Variants in CIBAR1 observed in about 807,000 individuals in gnomAD.
CIBAR1 encodes the protein CBY1-interacting BAR domain-containing protein 1.
Under a neutral mutation model 44.0 loss-of-function variants are expected in CIBAR1, and 25 were observed. The observed-to-expected ratio is 0.57, with a 90% confidence interval of 0.41 to 0.79. The LOEUF (loss-of-function observed/expected upper bound fraction) is 0.79. CIBAR1 is among the 30% of genes least tolerant of loss of function. CIBAR1 has a pLI of 0.00. For synonymous variants in CIBAR1, 115 were observed against 119.0 expected (o/e 0.97, Z 0.22); for missense variants, 278 against 344.8 (o/e 0.81, Z 1.53).
Position 93,703,603 on chromosome 8 carries a change from T to G in CIBAR1, c.262-17T>G. On this transcript the variant is annotated splice_polypyrimidine_tract_variant and intron_variant, in intron 2 of 8. Transcript: ENST00000518322. Reference sequence around the variant, plus strand: ...ATGTTAAACGTTCTAATTTAAAATTTTAATAATTTTCAATAGGTTGAAAGA... The same window carrying G: ...ATGTTAAACGTTCTAATTTAAAATTGTAATAATTTTCAATAGGTTGAAAGA... The G allele has an allele frequency of 6.9e-7, 1 of 1,450,448 alleles. No individual in the cohort carries two copies. The highest frequency in any genetic ancestry group is 9.4e-7 in the Non-Finnish European group (1 of 1,069,346). The allele number at this position is 1,450,448 out of a possible 1,614,324, so 89.8% of individuals were successfully genotyped here. A position where few individuals can be genotyped will look rare whatever the true frequency, so the allele number is the denominator to read the frequency against.
At chr8:93,722,569 G>T (rs778263883) in intron 7 of CIBAR1, among the ~76,000 whole-genome samples, 1 of 152,012 alleles carries the variant, frequency 6.6e-6, no homozygotes, top group African/African-American at 2.4e-5. Context: ...ATGGTGGCGC[G>T]TGCCTGTAAT....
chr8:93,707,899 A>G lies in CIBAR1; in HGVS notation c.433-112A>G, dbSNP rs1810663423. 4 of 628,404 alleles carry G rather than the reference A, an allele frequency of 6.4e-6. No individual in the cohort carries two copies. The Admixed American group carries it at 1.0e-4, about 16-fold the overall frequency. 38.9% of individuals were successfully genotyped at this position (628,404 alleles called of 1,614,324 possible). A position where few individuals can be genotyped will look rare whatever the true frequency, so the allele number is the denominator to read the frequency against. On this transcript the variant is annotated intron_variant, in intron 4 of 8. Transcript: ENST00000518322. ...TAACCATAATTGATATATGGTTACA[A>G]TTAATATATAACCTAATTGTAAGTG... is the stretch of plus-strand genomic sequence containing the variant.
chr8:93,706,419 TG>T (rs1164265905), intron 4 of CIBAR1, among the ~76,000 whole-genome samples: 2 of 4,428 alleles, frequency 4.5e-4, no homozygotes, highest in Admixed American at 2.7e-3. Context: ...GCAGGGTGGG[TG>T]GGGGGGTTCA....
chr8:93,727,220 C>T, intron 8 of CIBAR1: 1 of 1,275,574 alleles, frequency 7.8e-7, no homozygotes, highest in Non-Finnish European at 1.0e-6. Flanking sequence ...ATTCAACAAA[C>T]TTATTTTCAA....
chr8:93,707,870 T>A (rs1423862196), intron 4 of CIBAR1, 141 bp from the exon 5 acceptor site: 14 of 480,314 alleles, frequency 2.9e-5, no homozygotes, highest in Non-Finnish European at 4.6e-5. Context: ...CTGAATTACA[T>A]AAGTAACCAT....
chr8:93,722,107 A>G (rs940865619), intron 7 of CIBAR1, among the ~76,000 whole-genome samples: 13 of 152,208 alleles, frequency 8.5e-5, no homozygotes, highest in Admixed American at 2.6e-4. Context: ...GGCATAAACT[A>G]TTATTATGCC....
intron 6 of CIBAR1, among the ~76,000 whole-genome samples, chr8:93,718,030 G>A (rs1422236284): frequency 6.6e-6 from 1 of 152,166 alleles, no homozygotes; most frequent in Non-Finnish European, 1.5e-5. Flanking sequence ...AGTTCAGTGG[G>A]CAATAGCAAA....
intron 7 of CIBAR1, among the ~76,000 whole-genome samples, chr8:93,722,909 A>T (rs1174575358): frequency 6.6e-6 from 1 of 152,256 alleles, no homozygotes; most frequent in Non-Finnish European, 1.5e-5. Flanking sequence ...CCCACTTTAA[A>T]TTCCATCTTT....
chr8:93,720,928 A>C (rs1811240445), intron 7 of CIBAR1: 1 of 152,192 alleles, frequency 6.6e-6, no homozygotes, highest in Non-Finnish European at 1.5e-5. Flanking sequence ...TAAAATAGCA[A>C]ACGTTTATAT....
intron 3 of CIBAR1, 130 bp from the exon 4 acceptor site, chr8:93,704,779 T>G: frequency 1.8e-6 from 1 of 566,256 alleles, no homozygotes; most frequent in South Asian, 2.7e-5. Context: ...ATTCCTGTGG[T>G]AATGGTACCA....
chr8:93,703,754 G>GT (rs991097229), intron 3 of CIBAR1, 66 bp downstream of exon 3: 9 of 1,326,662 alleles, frequency 6.8e-6, no homozygotes, highest in Middle Eastern at 2.1e-4. Context: ...GTTTCCAATT[G>GT]TTTTTTTAAA....
intron 7 of CIBAR1, 73 bp downstream of exon 7, chr8:93,718,861 A>T: frequency 2.1e-6 from 2 of 938,258 alleles, no homozygotes; most frequent in Non-Finnish European, 3.1e-6. Flanking sequence ...TTAGTATGTG[A>T]TTAATATCTT....
chr8:93,718,014 C>G (rs556955766), intron 6 of CIBAR1, among the ~76,000 whole-genome samples: 4 of 152,182 alleles, frequency 2.6e-5, no homozygotes, highest in Admixed American at 6.5e-5. Context: ...CCGGCAAGAA[C>G]AGCACAGTTC....
chr8:93,700,610 T>C lies in CIBAR1; in HGVS notation c.-38T>C. 1 of 1,479,062 alleles carries C rather than the reference T, an allele frequency of 6.8e-7. No individual in the cohort carries two copies. Among genetic ancestry groups the C allele is most frequent in the Non-Finnish European group, 9.0e-7 (1 of 1,114,648 alleles). The allele number at this position is 1,479,062 out of a possible 1,614,324, so 91.6% of individuals were successfully genotyped here. A position where few individuals can be genotyped will look rare whatever the true frequency, so the allele number is the denominator to read the frequency against. ...CCAGGCGCCTTGGAATCCCCGTCCT[T>C]GGGCCCCCGCAAGGTCCCCGGCCGT... On this transcript the variant is annotated 5_prime_UTR_variant, in exon 1 of 9. Coordinates refer to ENST00000518322, the MANE Select transcript of CIBAR1 (RefSeq NM_145269.5).
In CIBAR1 at chr8:93,704,968, A is replaced by C. The variant is rs773783338; in HGVS notation, c.390A>C (p.Leu130Phe). Residue 130 changes from leucine (L) to phenylalanine (F), a missense_variant, in exon 4 of 9, where the codon TTA becomes TTC. This residue lies in a region of CIBAR1 where 183 missense variants were observed against 218.6 expected (regional missense o/e 0.84). Coordinates refer to ENST00000518322, the MANE Select transcript of CIBAR1 (RefSeq NM_145269.5). ...GAGAAGCTAAGCAATTAACTCAGTT[A>C]GAAAGAACACGTCAGCGAAACCCAT... is the stretch of plus-strand genomic sequence containing the variant. ...RNREAKQLTQ[L>F]ERTRQRNPSD... 11 of 1,613,110 alleles carry C rather than the reference A, an allele frequency of 6.8e-6. No individual in the cohort carries two copies. The highest frequency in any genetic ancestry group is 9.3e-6 in the Non-Finnish European group (11 of 1,179,578).
At chr8:93,726,244 TGTC>T in intron 7 of CIBAR1, 147 bp from the exon 8 acceptor site, 1 of 647,824 alleles carries the variant, frequency 1.5e-6, no homozygotes, top group Non-Finnish European at 2.5e-6. Context: ...TTATTTTTGT[TGTC>T]TTTTCTTTTA....
intron 5 of CIBAR1, among the ~76,000 whole-genome samples, chr8:93,709,542 G>C (rs1810736751): frequency 6.6e-6 from 1 of 152,106 alleles, no homozygotes; most frequent in African/African-American, 2.4e-5. Context: ...GGTAGTTTTT[G>C]TTCTTAGGGT....
At chr8:93,720,484 CTA>C (rs1205013567) in intron 7 of CIBAR1, among the ~76,000 whole-genome samples, 1 of 152,184 alleles carries the variant, frequency 6.6e-6, no homozygotes, top group Non-Finnish European at 1.5e-5. Flanking sequence ...TTATATTTCT[CTA>C]TTTGTCAATC....
chr8:93,701,368 G>T lies in CIBAR1; in HGVS notation c.171G>T (p.Ala57=), dbSNP rs755482814. Residue 57 remains alanine (A), a synonymous_variant, in exon 2 of 9, where the codon GCG becomes GCT. Transcript: ENST00000518322. ...KADLLVNEIN[A]YAATETPHLK... ...ACCTCCTGGTGAATGAAATTAACGC[G>T]TATGCTGCTACAGAGACCCCGCATT... The T allele has an allele frequency of 6.2e-7, 1 of 1,613,848 alleles. No homozygotes were observed. Among genetic ancestry groups the T allele is most frequent in the African/African-American group, 1.3e-5 (1 of 75,022 alleles).
Sources: gnomAD v4.1 joint callset for allele counts (sites outside exome capture counted in the v4.1 genomes callset) on GRCh38, gnomAD v4.1.1 for gene constraint, gnomAD v4.1.1 regional missense constraint, MANE v1.5 for transcripts, NCBI Gene and HGNC (gene_info 2026-07-23, HGNC 2026-07-21) for gene names.